Variants in LAMA3 observed in about 807,000 individuals in gnomAD.
LAMA3 encodes the protein laminin subunit alpha-3.
A neutral mutation model predicts 402.0 loss-of-function variants in LAMA3; 281 were observed. The ratio of observed to expected loss-of-function variants is 0.70; its 90% CI spans 0.63 to 0.77. The LOEUF is 0.77. Among genes scored for constraint, LAMA3 ranks in the 30% least tolerant of loss-of-function variants. The pLI is 0.00. For missense variants in LAMA3, 3,840 were observed against 4,215.5 expected (o/e 0.91, Z 2.47); for synonymous variants, 1,431 against 1,558.4 (o/e 0.92, Z 1.93).
rs781261385 is a variant in LAMA3, at chr18:23,815,586, A to G, written c.2047+13A>G. ...TTTGGGTGTCAAGGTAAATAAGTCCATTGGGCCCTGAGCAAAGCACAGTGT... is the reference window on the plus strand; with the variant it reads ...TTTGGGTGTCAAGGTAAATAAGTCCGTTGGGCCCTGAGCAAAGCACAGTGT... On this transcript the variant is annotated intron_variant, in intron 17 of 74. Coordinates refer to ENST00000313654, the MANE Select transcript of LAMA3 (RefSeq NM_198129.4). The G allele has an allele frequency of 3.2e-6, 5 of 1,549,200 alleles. No individual in the cohort carries two copies. Among genetic ancestry groups the G allele is most frequent in the Non-Finnish European group, 4.5e-6 (5 of 1,120,802 alleles).
At position 23,841,418 on chromosome 18, in the gene LAMA3, G is replaced by A. The variant is rs141543602; in HGVS notation, c.3337-977G>A. Among the ~76,000 whole-genome samples the A allele has an allele frequency of 2.6e-3, 396 of 152,208 alleles. 2 individuals carry two copies. Among genetic ancestry groups the A allele is most frequent in the African/African-American group, 9.1e-3 (378 of 41,522 alleles). ...CAGCTTTTAGCCCTCAAAAACACTC[G>A]TTTTCATGGTGGGAGTGGAGGGAGG... On this transcript the variant is annotated intron_variant, in intron 27 of 74. Coordinates refer to ENST00000313654, the MANE Select transcript of LAMA3 (RefSeq NM_198129.4).
intron 2 of LAMA3, among the ~76,000 whole-genome samples, chr18:23,739,652 A>C (rs976326266): frequency 6.6e-6 from 1 of 152,186 alleles, no homozygotes; most frequent in Non-Finnish European, 1.5e-5. Flanking sequence ...AAATGTTAAC[A>C]CTCTTTAGAT....
chr18:23,699,722 C>A (rs374465794), intron 1 of LAMA3, among the ~76,000 whole-genome samples: 6 of 152,150 alleles, frequency 3.9e-5, no homozygotes, highest in African/African-American at 1.4e-4. Flanking sequence ...ATTAAAGCTG[C>A]CAAACACCCC....
intron 5 of LAMA3, among the ~76,000 whole-genome samples, chr18:23,752,690 C>T (rs562990007): frequency 6.6e-6 from 1 of 152,232 alleles, no homozygotes; most frequent in East Asian, 1.9e-4. Context: ...ACAAGGGGGG[C>T]TGTTAATGCC....
chr18:23,883,891 C>T (rs1336934768), intron 40 of LAMA3, among the ~76,000 whole-genome samples: 2 of 152,134 alleles, frequency 1.3e-5, no homozygotes, highest in Non-Finnish European at 2.9e-5. Context: ...TCTATTTCTC[C>T]TTCCTGCAAT....
chr18:23,793,757 T>A (rs1292190176), intron 12 of LAMA3, among the ~76,000 whole-genome samples: 2 of 152,128 alleles, frequency 1.3e-5, no homozygotes, highest in African/African-American at 4.8e-5. Context: ...GTCCTCCAAT[T>A]CAATTCTGAC....
intron 70 of LAMA3, 93 bp from the exon 71 acceptor site, chr18:23,949,672 T>G (rs1308638437): frequency 1.6e-6 from 2 of 1,233,624 alleles, no homozygotes; most frequent in Non-Finnish European, 2.4e-6. Flanking sequence ...CCTTCCCCCT[T>G]TTGCTGACAA....
chr18:23,924,615 G>A (rs1001064224), intron 62 of LAMA3, among the ~76,000 whole-genome samples: 1 of 147,548 alleles, frequency 6.8e-6, no homozygotes, highest in African/African-American at 2.5e-5. Flanking sequence ...CATAATCTCG[G>A]CTTACTGCAA....
intron 60 of LAMA3, among the ~76,000 whole-genome samples, chr18:23,917,395 A>G (rs529466881): frequency 6.6e-6 from 1 of 152,214 alleles, no homozygotes; most frequent in Non-Finnish European, 1.5e-5. Context: ...CAATAATGGG[A>G]TTGCTGGATC....
Position 23,875,953 on chromosome 18 carries a change from G to A in LAMA3, c.4999-341G>A, listed in dbSNP as rs902813657. On this transcript the variant is annotated intron_variant, in intron 38 of 74. Coordinates refer to ENST00000313654, the MANE Select transcript of LAMA3 (RefSeq NM_198129.4). ...ACCAAACAGCTTGAGAGAAAAACAA[G>A]TGGACATGACAGGTGGTTGAAATTA... 2.6e-5 allele frequency among the ~76,000 whole-genome samples: 4 copies of A among 152,308 alleles called. 1 individual carries two copies. In the South Asian group the frequency reaches 8.3e-4, roughly 32 times the overall value.
In LAMA3 at chr18:23,826,742, C is replaced by G. The variant is rs762111647; in HGVS notation, c.2612C>G (p.Ser871Cys). ...VLLPRDYYEA[S>C]VLQLPVTEPC... is the part of the protein sequence containing the mutation. The stretch of plus-strand genomic sequence containing the variant: ...CTCCCCAGGGACTACTATGAAGCCT[C>G]TGTACTGCAGCTGCCAGTCACAGAA... Residue 871 changes from serine to cysteine, a missense_variant, in exon 22 of 75, where the codon TCT becomes TGT. Coordinates refer to ENST00000313654, the MANE Select transcript of LAMA3 (RefSeq NM_198129.4). 6 of 1,565,938 alleles carry G rather than the reference C, an allele frequency of 3.8e-6. No homozygotes were observed. Among genetic ancestry groups the G allele is most frequent in the Non-Finnish European group, 5.2e-6 (6 of 1,153,676 alleles).
intron 38 of LAMA3, among the ~76,000 whole-genome samples, chr18:23,874,612 C>G (rs920152645): frequency 6.6e-6 from 1 of 152,232 alleles, no homozygotes; most frequent in Non-Finnish European, 1.5e-5. Flanking sequence ...AGGCTTCTGC[C>G]TCTCTCTCCT....
intron 2 of LAMA3, among the ~76,000 whole-genome samples, chr18:23,715,963 T>TTG (rs993732840): frequency 6.6e-6 from 1 of 152,228 alleles, no homozygotes; most frequent in African/African-American, 2.4e-5. Flanking sequence ...AGTCCATGTG[T>TTG]TGTGCTAAAT....
chr18:23,742,999 G>A (rs1000613587), intron 2 of LAMA3, among the ~76,000 whole-genome samples: 13 of 152,062 alleles, frequency 8.5e-5, no homozygotes, highest in Non-Finnish European at 1.2e-4. Context: ...TCACAATCCC[G>A]TCTGTTAGTT....
At chr18:23,939,477 G>T in intron 68 of LAMA3, 91 bp downstream of exon 68, 1 of 1,341,914 alleles carries the variant, frequency 7.5e-7, no homozygotes. Context: ...ACACCATGCA[G>T]CTCTCTCTAA....
At chr18:23,889,879 C>T (rs556404508) in intron 41 of LAMA3, 132 bp from the exon 42 acceptor site, 8 of 772,138 alleles carry the variant, frequency 1.0e-5, no homozygotes, top group South Asian at 5.4e-5. Context: ...AATATTCATT[C>T]TTGCAGATCT....
chr18:23,921,222 A>G (rs746909587), intron 61 of LAMA3, among the ~76,000 whole-genome samples, 168 bp downstream of exon 61: 7 of 152,258 alleles, frequency 4.6e-5, no homozygotes, highest in African/African-American at 9.6e-5. Context: ...CATGAAATGT[A>G]TAACATATAC....
chr18:23,832,387 GA>G (rs200718424), intron 23 of LAMA3, among the ~76,000 whole-genome samples: 2 of 151,518 alleles, frequency 1.3e-5, no homozygotes, highest in Middle Eastern at 3.4e-3. Context: ...TTAAGTGACA[GA>G]AAAAAAAATC....
intron 41 of LAMA3, among the ~76,000 whole-genome samples, chr18:23,888,081 C>T (rs1433153974): frequency 6.6e-6 from 1 of 152,184 alleles, no homozygotes; most frequent in Non-Finnish European, 1.5e-5. Context: ...GTAAGAAAGA[C>T]ATCAAAAATA....
Sources: allele counts gnomAD v4.1 joint callset (sites outside exome capture counted in the v4.1 genomes callset), GRCh38; gene constraint gnomAD v4.1.1; transcripts MANE v1.5; gene names NCBI Gene and HGNC (gene_info 2026-07-23, HGNC 2026-07-21).